Variants in CDH4 observed in about 807,000 individuals in gnomAD.
CDH4 encodes the protein cadherin-4.
A neutral mutation model predicts 86.0 loss-of-function variants in CDH4; 33 were observed. The ratio of observed to expected loss-of-function variants is 0.38; its 90% CI spans 0.29 to 0.51. The LOEUF is 0.51. Ranked by LOEUF, CDH4 falls within the 20% of genes least tolerant of loss-of-function variation. CDH4 has a pLI of 0.86. For synonymous variants in CDH4, 555 were observed against 549.4 expected (o/e 1.01, Z -0.14); for missense variants, 1,114 against 1,307.4 (o/e 0.85, Z 2.28).
At chr20:61,400,279 T>A (rs1847374829) in intron 2 of CDH4, among the ~76,000 whole-genome samples, 1 of 152,236 alleles carries the variant, frequency 6.6e-6, no homozygotes, top group Non-Finnish European at 1.5e-5. Context: ...AGAGCTTTCC[T>A]GTGATCAACA....
intron 2 of CDH4, among the ~76,000 whole-genome samples, chr20:61,742,142 G>A (rs1004963602): frequency 2.7e-5 from 4 of 150,848 alleles, no homozygotes; most frequent in Non-Finnish European, 5.9e-5. Context: ...AAAAAAAAAT[G>A]TAATGATTCC....
At chr20:61,533,402 G>A (rs559536524) in intron 2 of CDH4, among the ~76,000 whole-genome samples, 7 of 152,352 alleles carry the variant, frequency 4.6e-5, no homozygotes, top group Admixed American at 2.6e-4. Context: ...GTAAAGCTGC[G>A]TCGCCCAAGT....
At chr20:61,795,128 G>GGAA (rs1979465415) in intron 4 of CDH4, among the ~76,000 whole-genome samples, 7 of 142,000 alleles carry the variant, frequency 4.9e-5, no homozygotes, top group African/African-American at 1.3e-4. Flanking sequence ...TAATGGTGAT[G>GGAA]ATGGAAATGA....
intron 2 of CDH4, among the ~76,000 whole-genome samples, chr20:61,545,357 G>A (rs527356352): frequency 3.9e-5 from 6 of 152,372 alleles, no homozygotes; most frequent in East Asian, 1.9e-4. Flanking sequence ...TCTGCCGGCC[G>A]TGGGCTGGAA....
chr20:61,931,815 T>C (rs1207334064), intron 13 of CDH4, among the ~76,000 whole-genome samples: 1 of 152,096 alleles, frequency 6.6e-6, no homozygotes, highest in African/African-American at 2.4e-5. Context: ...CAGTTCAGCT[T>C]GGGGGAGAGG....
At chr20:61,841,765 G>A (rs1200956391) in intron 4 of CDH4, among the ~76,000 whole-genome samples, 2 of 149,920 alleles carry the variant, frequency 1.3e-5, no homozygotes, top group Non-Finnish European at 3.0e-5. Flanking sequence ...GTGTGTGTGT[G>A]TGCGCGCGTG....
chr20:61,514,301 A>T, intron 2 of CDH4, among the ~76,000 whole-genome samples: 1 of 146,876 alleles, frequency 6.8e-6, no homozygotes, highest in African/African-American at 2.7e-5. Flanking sequence ...TTCAGGCCTC[A>T]GTCCGCCCCC....
intron 3 of CDH4, among the ~76,000 whole-genome samples, chr20:61,744,924 A>G (rs1484453725): frequency 2.0e-5 from 3 of 152,284 alleles, no homozygotes; most frequent in East Asian, 1.9e-4. Context: ...GAGGCTGCTG[A>G]AGAAGCTGCA....
chr20:61,777,759 C>T (rs60762900), intron 4 of CDH4, among the ~76,000 whole-genome samples: 13,888 of 72,486 alleles, frequency 0.19, 940 homozygotes, highest in East Asian at 0.38. Context: ...CACATGCGCA[C>T]ACACGTGCAT....
At chr20:61,667,828 G>A (rs569977778) in intron 2 of CDH4, among the ~76,000 whole-genome samples, 168 of 152,324 alleles carry the variant, frequency 1.1e-3, no homozygotes, top group Middle Eastern at 6.8e-3. Flanking sequence ...GAATGCAAGG[G>A]CAGAGGAGCA....
At chr20:61,596,288 T>G (rs1423555312) in intron 2 of CDH4, among the ~76,000 whole-genome samples, 1 of 152,184 alleles carries the variant, frequency 6.6e-6, no homozygotes, top group African/African-American at 2.4e-5. Context: ...AAAGGCATCT[T>G]GGGTAGGAGA....
At chr20:61,364,274 G>C (rs2084799292) in intron 2 of CDH4, among the ~76,000 whole-genome samples, 1 of 152,166 alleles carries the variant, frequency 6.6e-6, no homozygotes, top group South Asian at 2.1e-4. Flanking sequence ...CATGGAAGCT[G>C]GTAGAGACAC....
chr20:61,901,546 G>A (rs1476332085), intron 8 of CDH4, among the ~76,000 whole-genome samples: 1 of 152,252 alleles, frequency 6.6e-6, no homozygotes, highest in Admixed American at 6.5e-5. Flanking sequence ...GTCAGGGCCG[G>A]CGCTCAGCTG....
intron 2 of CDH4, among the ~76,000 whole-genome samples, chr20:61,655,844 G>A (rs757775273): frequency 2.6e-5 from 4 of 152,226 alleles, no homozygotes; most frequent in Admixed American, 6.5e-5. Flanking sequence ...GCATGCAGTC[G>A]GTGAACGGCA....
intron 2 of CDH4, among the ~76,000 whole-genome samples, chr20:61,323,055 G>T (rs1459874267): frequency 6.6e-6 from 1 of 152,150 alleles, no homozygotes; most frequent in Admixed American, 6.5e-5. Context: ...GAGCTTATCT[G>T]CCCAGGACGC....
chr20:61,757,049 C>A (rs1234153499), intron 3 of CDH4, among the ~76,000 whole-genome samples: 3 of 152,200 alleles, frequency 2.0e-5, no homozygotes, highest in Non-Finnish European at 4.4e-5. Context: ...AACGTGTCCA[C>A]CTCCTGGCTT....
intron 3 of CDH4, among the ~76,000 whole-genome samples, chr20:61,746,276 G>A (rs1179850791): frequency 6.6e-6 from 1 of 152,244 alleles, no homozygotes; most frequent in Admixed American, 6.5e-5. Context: ...GTGGGGCACA[G>A]CCCTGAGTCC....
intron 8 of CDH4, among the ~76,000 whole-genome samples, chr20:61,900,977 G>A (rs992984814): frequency 4.6e-5 from 7 of 152,190 alleles, no homozygotes; most frequent in Middle Eastern, 3.2e-3. Flanking sequence ...TAATAATGCC[G>A]ATTGATAGCA....
intron 2 of CDH4, among the ~76,000 whole-genome samples, chr20:61,386,866 G>T (rs1367247939): frequency 6.6e-6 from 1 of 152,228 alleles, no homozygotes; most frequent in African/African-American, 2.4e-5. Flanking sequence ...GACCTGAAGG[G>T]TGAGGCAGAT....
Sources: gnomAD v4.1 joint callset for allele counts (sites outside exome capture counted in the v4.1 genomes callset) on GRCh38, gnomAD v4.1.1 for gene constraint, MANE v1.5 for transcripts, NCBI Gene and HGNC (gene_info 2026-07-23, HGNC 2026-07-21) for gene names.